Variants in LRRC74A observed in about 807,000 individuals in gnomAD.
LRRC74A encodes the protein leucine rich repeat containing 74A.
In LRRC74A, 44 loss-of-function variants were observed where a neutral mutation model predicts 57.9. The observed-to-expected ratio is 0.76, with a 90% CI of 0.60 to 0.98. The LOEUF (loss-of-function observed/expected upper bound fraction) is 0.98. LRRC74A is among the 50% of genes least tolerant of loss of function. LRRC74A has a pLI of 0.00. For synonymous variants in LRRC74A, 211 were observed against 219.4 expected (o/e 0.96, Z 0.34); for missense variants, 572 against 574.0 (o/e 1.00, Z 0.04).
intron 5 of LRRC74A, among the ~76,000 whole-genome samples, chr14:76,840,467 A>G (rs925764444): frequency 6.6e-6 from 1 of 152,142 alleles, no homozygotes; most frequent in Non-Finnish European, 1.5e-5. Context: ...CAATGTAATA[A>G]TTGATCCTTT....
At chr14:76,827,741 G>A (rs1895673792) in intron 1 of LRRC74A, among the ~76,000 whole-genome samples, 1 of 152,150 alleles carries the variant, frequency 6.6e-6, no homozygotes, top group Admixed American at 6.5e-5. Flanking sequence ...ATCAATGTTA[G>A]ATTGGAAGGA....
chr14:76,853,864 C>T (rs1020386911), intron 9 of LRRC74A, among the ~76,000 whole-genome samples: 5 of 152,168 alleles, frequency 3.3e-5, no homozygotes, highest in Non-Finnish European at 7.3e-5. Flanking sequence ...ACCATCCTCC[C>T]ACCTCGGCCT....
At chr14:76,836,602 C>T (rs554874260) in intron 4 of LRRC74A, among the ~76,000 whole-genome samples, 6 of 152,130 alleles carry the variant, frequency 3.9e-5, no homozygotes, top group Non-Finnish European at 8.8e-5. Context: ...GAGTTCAAAC[C>T]CAGCCTGGCC....
intron 6 of LRRC74A, 150 bp from the exon 7 acceptor site, chr14:76,844,670 C>T: frequency 1.4e-6 from 1 of 693,614 alleles, no homozygotes; most frequent in Non-Finnish European, 2.5e-6. Flanking sequence ...TCCCAGCAGC[C>T]ATCAACAGTC....
rs752798580 is a variant in LRRC74A, at chr14:76,836,264, G to A, written c.397G>A (p.Val133Ile). The A allele has an allele frequency of 5.3e-5, 85 of 1,613,840 alleles. No individual in the cohort carries two copies. Among genetic ancestry groups the A allele is most frequent in the East Asian group, 4.2e-4 (19 of 44,886 alleles). The change falls in exon 4 of 14, where the codon GTC becomes ATC. Residue 133 changes from valine to isoleucine, a missense_variant. Transcript: ENST00000689127. ...LEDNCIMEEG[V>I]LSLVEMLQEN... Reference sequence around the variant, plus strand: ...AGACAATTGCATCATGGAGGAGGGCGTCTTGAGCCTGGTGGAGATGCTACA... The same window carrying A: ...AGACAATTGCATCATGGAGGAGGGCATCTTGAGCCTGGTGGAGATGCTACA...
intron 2 of LRRC74A, chr14:76,828,670 C>A (rs747192463): frequency 4.9e-6 from 3 of 616,034 alleles, no homozygotes; most frequent in Non-Finnish European, 9.0e-6. Flanking sequence ...TTGTTAAAAG[C>A]GGAATCAATA....
At chr14:76,844,528 G>A in intron 6 of LRRC74A, 56 bp downstream of exon 6, 1 of 1,545,344 alleles carries the variant, frequency 6.5e-7, no homozygotes, top group African/African-American at 1.4e-5. Context: ...GGAGATCTGG[G>A]CAACCTGGGG....
At position 76,849,182 on chromosome 14, in the gene LRRC74A, C is replaced by T. The variant is rs1268064810; in HGVS notation, c.677-3183C>T. Among the ~76,000 whole-genome samples the T allele has an allele frequency of 5.9e-5, 9 of 152,064 alleles. 1 individual carries two copies. The highest frequency in any genetic ancestry group is 3.9e-4 in the East Asian group (2 of 5,150). ...TTGTTTTGTTTTTGAGGCGGAGTCT[C>T]GCTCTGTTGCCCAGGCTGGGTGGAG... is the stretch of plus-strand genomic sequence containing the variant. On this transcript the variant is annotated intron_variant, in intron 7 of 13. Coordinates refer to ENST00000689127, the MANE Select transcript of LRRC74A (RefSeq NM_001385106.1).
chr14:76,858,507 A>T (rs1186230417), intron 10 of LRRC74A, among the ~76,000 whole-genome samples: 1 of 152,174 alleles, frequency 6.6e-6, no homozygotes, highest in Non-Finnish European at 1.5e-5. Flanking sequence ...GTTCACATTC[A>T]CGGGTCCTAG....
Position 76,826,737 on chromosome 14 carries a change from G to A in LRRC74A, c.37+3G>A, listed in dbSNP as rs1329122360. On this transcript the variant is annotated splice_donor_region_variant and intron_variant, in intron 1 of 13. Coordinates refer to ENST00000689127, the MANE Select transcript of LRRC74A (RefSeq NM_001385106.1). ...GCCTCTTCAGCCTGAGACAGAAGGTGAAAGGGCATCCCATCTCTCACCACT... is the reference window on the plus strand; with the variant it reads ...GCCTCTTCAGCCTGAGACAGAAGGTAAAAGGGCATCCCATCTCTCACCACT... 6.0e-6 allele frequency: 9 copies of A among 1,507,628 alleles called. No individual in the cohort carries two copies. Among genetic ancestry groups the A allele is most frequent in the Non-Finnish European group, 7.1e-6 (8 of 1,127,540 alleles). The allele number at this position is 1,507,628 out of a possible 1,614,324, so 93.4% of individuals were successfully genotyped here. A position where few individuals can be genotyped will look rare whatever the true frequency, so the allele number is the denominator to read the frequency against.
At chr14:76,859,361 C>G (rs1032426044) in intron 10 of LRRC74A, among the ~76,000 whole-genome samples, 11 of 152,046 alleles carry the variant, frequency 7.2e-5, no homozygotes, top group Admixed American at 7.2e-4. Context: ...ATGGAGAAAC[C>G]CCGTCTCTAC....
chr14:76,850,980 A>G (rs945413148), intron 7 of LRRC74A, among the ~76,000 whole-genome samples: 4 of 152,226 alleles, frequency 2.6e-5, no homozygotes, highest in African/African-American at 9.6e-5. Context: ...TAGCCTTTCC[A>G]TCAATGGCCT....
At chr14:76,850,679 C>A (rs899824185) in intron 7 of LRRC74A, among the ~76,000 whole-genome samples, 2 of 151,880 alleles carry the variant, frequency 1.3e-5, no homozygotes, top group Non-Finnish European at 2.9e-5. Flanking sequence ...CCAGCCTGAC[C>A]AACATGATGA....
rs751530675 is a variant in LRRC74A at position 76,853,379 on chromosome 14, TG to T, written c.928del (p.Glu310AsnfsTer9). 6.2e-7 allele frequency: 1 copy of T among 1,611,516 alleles called. No individual in the cohort carries two copies. The highest frequency in any genetic ancestry group is 2.2e-5 in the East Asian group (1 of 44,812). ...NEGASKISKGLESNESLRVLK... is the reference protein window; with the variant it reads ...NEGASKISKGXESNESLRVLK... ...GGGGCCTCCAAAATCAGCAAAGGACTGGAATCCAATGAAAGCCTCAGAGTTC... is the reference window on the plus strand; with the variant it reads ...GGGGCCTCCAAAATCAGCAAAGGACTGAATCCAATGAAAGCCTCAGAGTTC... On this transcript the variant is annotated frameshift_variant, in exon 9 of 14. Transcript: ENST00000689127. LOFTEE classifies it high-confidence loss of function.
intron 2 of LRRC74A, chr14:76,828,909 G>A (rs1895779530): frequency 3.4e-6 from 2 of 595,624 alleles, no homozygotes; most frequent in African/African-American, 2.0e-5. Flanking sequence ...CCATATCCCA[G>A]GCCCCTGGAG....
At chr14:76,864,530 A>T (rs977246697) in intron 11 of LRRC74A, among the ~76,000 whole-genome samples, 1 of 152,108 alleles carries the variant, frequency 6.6e-6, no homozygotes, top group Non-Finnish European at 1.5e-5. Flanking sequence ...AGAGAAAAAA[A>T]AATACTTAAA....
chr14:76,857,318 G>A, intron 9 of LRRC74A, 62 bp from the exon 10 acceptor site: 6 of 1,018,760 alleles, frequency 5.9e-6, no homozygotes, highest in Non-Finnish European at 9.0e-6. Flanking sequence ...TGTAGAAACT[G>A]TGCTCTGGGC....
chr14:76,868,960 G>A (rs1899192170), intron 13 of LRRC74A, among the ~76,000 whole-genome samples: 1 of 152,218 alleles, frequency 6.6e-6, no homozygotes, highest in South Asian at 2.1e-4. Context: ...CACAGGGGGC[G>A]TCACTCGGTA....
chr14:76,835,230 C>G (rs12890660), intron 3 of LRRC74A, among the ~76,000 whole-genome samples: 52,502 of 151,976 alleles, frequency 0.35, 9,948 homozygotes, highest in East Asian at 0.53. Context: ...CGCCTGTAAT[C>G]TCAGCACTTT....
Sources: allele counts gnomAD v4.1 joint callset (sites outside exome capture counted in the v4.1 genomes callset), GRCh38; gene constraint gnomAD v4.1.1; transcripts MANE v1.5; gene names NCBI Gene and HGNC (gene_info 2026-07-23, HGNC 2026-07-21).